The following NBPF15 variants were observed in gnomAD, a reference collection of about 807,000 sequenced individuals.
The protein encoded by NBPF15 is NBPF family member NBPF15.
NBPF15 carries 74 observed loss-of-function variants against 62.2 expected under a neutral mutation model. The observed-to-expected ratio is 1.19, with a 90% confidence interval of 0.99 to 1.44. The LOEUF (loss-of-function observed/expected upper bound fraction) is 1.44. Among genes scored for constraint, NBPF15 ranks in the 40% most tolerant of loss-of-function variants. The pLI is 0.00. For synonymous variants in NBPF15, 244 were observed against 209.7 expected (o/e 1.16, Z -1.41); for missense variants, 790 against 550.0 (o/e 1.44, Z -4.36).
chr1:144,443,355 G>A (rs1282415950), intron 6 of NBPF15, among the ~76,000 whole-genome samples: 2 of 151,802 alleles, frequency 1.3e-5, no homozygotes, highest in East Asian at 1.9e-4. Flanking sequence ...TAAAATTACT[G>A]TAGCTTTAAA....
intron 8 of NBPF15, among the ~76,000 whole-genome samples, chr1:144,438,617 A>T (rs1369058479): frequency 4.6e-5 from 7 of 152,188 alleles, no homozygotes; most frequent in African/African-American, 1.7e-4. Flanking sequence ...AAATGCTAAT[A>T]AAGTTTGTGT....
At chr1:144,427,231 C>T in intron 16 of NBPF15, 133 bp from the exon 17 acceptor site, 3 of 684,750 alleles carry the variant, frequency 4.4e-6, no homozygotes, top group South Asian at 3.3e-5. Flanking sequence ...AGATATTCTT[C>T]AAGAGGCCTG....
chr1:144,429,029 A>G (rs1226635455), intron 14 of NBPF15, among the ~76,000 whole-genome samples: 12 of 152,014 alleles, frequency 7.9e-5, no homozygotes, highest in Non-Finnish European at 1.0e-4. Flanking sequence ...ATAGTTTATG[A>G]GATTGTGGAC....
rs1453181221 is a variant in NBPF15 at position 144,443,407 on chromosome 1, GCTT to G, written c.-190-3115_-190-3113del. Among the ~76,000 whole-genome samples the G allele has an allele frequency of 5.0e-4, 76 of 151,686 alleles. 1 individual carries two copies. The highest frequency in any genetic ancestry group is 2.6e-4 in the Admixed American group (4 of 15,222). On this transcript the variant is annotated intron_variant, in intron 6 of 21. Coordinates refer to ENST00000581897, the MANE Select transcript of NBPF15 (RefSeq NM_001385408.1). ...AGCAGAGTAAGTCCTCCAACTTATTGCTTCTTCAAGACCGACTTGCTTATTCTA... is the reference window on the plus strand; with the variant it reads ...AGCAGAGTAAGTCCTCCAACTTATTGCTTCAAGACCGACTTGCTTATTCTA...
chr1:144,426,179 T>A, intron 18 of NBPF15, 99 bp downstream of exon 18: 3 of 647,632 alleles, frequency 4.6e-6, no homozygotes, highest in South Asian at 3.3e-5. Context: ...CCTGCGGCAA[T>A]GACATCTCTC....
At chr1:144,460,074 A>T (rs1217334702) in intron 2 of NBPF15, among the ~76,000 whole-genome samples, 8 of 75,544 alleles carry the variant, frequency 1.1e-4, no homozygotes, top group African/African-American at 4.9e-4. Flanking sequence ...ACAGGGTCTC[A>T]CTCTGCCACC....
chr1:144,426,612 C>A (rs1438915244), intron 17 of NBPF15, among the ~76,000 whole-genome samples, 162 bp from the exon 18 acceptor site: 5 of 149,944 alleles, frequency 3.3e-5, no homozygotes, highest in South Asian at 2.1e-4. Flanking sequence ...TAGACCAGGG[C>A]CAGGTAGAAA....
At chr1:144,456,354 C>T (rs1362433322) in intron 4 of NBPF15, among the ~76,000 whole-genome samples, 183 bp downstream of exon 4, 7 of 151,996 alleles carry the variant, frequency 4.6e-5, no homozygotes, top group Admixed American at 6.6e-5. Context: ...CACTGCAGGT[C>T]GAGGGTGGCA....
In NBPF15 at chr1:144,423,312, C is replaced by G. The variant is rs1468924763; in HGVS notation, c.1770-56G>C. 2.3e-5 allele frequency: 37 copies of G among 1,611,052 alleles called. 2 individuals carry two copies. Among genetic ancestry groups the G allele is most frequent in the Non-Finnish European group, 8.5e-7 (1 of 1,179,530 alleles). ...CCAGGGAAAATCAGACACCACAGAG[C>G]CCCACTAGATTTCAGAAGTAATATA... On this transcript the variant is annotated intron_variant, in intron 21 of 21. Coordinates refer to ENST00000581897, the MANE Select transcript of NBPF15 (RefSeq NM_001385408.1).
chr1:144,422,794 T>G lies in NBPF15; in HGVS notation c.*219A>C, dbSNP rs5013546. On this transcript the variant is annotated 3_prime_UTR_variant, in exon 22 of 22. Coordinates refer to ENST00000581897, the MANE Select transcript of NBPF15 (RefSeq NM_001385408.1). ...GTCTGACTGATCACTCCCGGCATGT[T>G]CTGCACAGTTATGTGAACGTGTCAC... 46,227 of 1,165,374 alleles carry G rather than the reference T, an allele frequency of 0.04. 3,331 individuals are homozygous for G. The highest frequency in any genetic ancestry group is 0.28 in the African/African-American group (17,219 of 61,986). 72.2% of individuals were successfully genotyped at this position (1,165,374 alleles called of 1,614,324 possible).
At chr1:144,445,230 A>T (rs1404401168) in intron 6 of NBPF15, among the ~76,000 whole-genome samples, 1 of 144,098 alleles carries the variant, frequency 6.9e-6, no homozygotes, top group Non-Finnish European at 1.5e-5. Flanking sequence ...TCAGACTGCA[A>T]TATGTATGTG....
intron 9 of NBPF15, among the ~76,000 whole-genome samples, chr1:144,437,341 C>G (rs1322008520): frequency 1.3e-5 from 2 of 151,414 alleles, no homozygotes; most frequent in Non-Finnish European, 2.9e-5. Flanking sequence ...ATTCATCTTT[C>G]TCTTCTGTAA....
intron 1 of NBPF15, 131 bp from the exon 2 acceptor site, chr1:144,461,092 G>T (rs587774119): frequency 6.6e-6 from 1 of 151,190 alleles, no homozygotes; most frequent in African/African-American, 2.4e-5. Context: ...GTGGGGTGCG[G>T]GGTCAGGGTC....
In NBPF15 at chr1:144,440,267, A is replaced by G; in HGVS notation, c.-162T>C. ...GCGCAGACTCTGATAAGAGTGAGGTAGATTGTGGCCAGCGTGCCAGGTAAC... is the reference window on the plus strand; with the variant it reads ...GCGCAGACTCTGATAAGAGTGAGGTGGATTGTGGCCAGCGTGCCAGGTAAC... On this transcript the variant is annotated 5_prime_UTR_variant, in exon 7 of 22. Coordinates refer to ENST00000581897, the MANE Select transcript of NBPF15 (RefSeq NM_001385408.1). 1 of 1,502,976 alleles carries G rather than the reference A, an allele frequency of 6.7e-7. No individual in the cohort carries two copies. The allele number at this position is 1,502,976 out of a possible 1,614,324, so 93.1% of individuals were successfully genotyped here. A position where few individuals can be genotyped will look rare whatever the true frequency, so the allele number is the denominator to read the frequency against.
In NBPF15 at chr1:144,438,994, T is replaced by TTAC. The variant is rs201026598; in HGVS notation, c.175+834_175+835insGTA. On this transcript the variant is annotated intron_variant, in intron 8 of 21. Transcript: ENST00000581897. ...TTATTTTTATTTATCATTATTATTA[T>TTAC]TATTTTTTTTTAACAGTCTTGCCCT... 3.2e-3 allele frequency among the ~76,000 whole-genome samples: 484 copies of TTAC among 151,328 alleles called. 7 individuals carry two copies. Among genetic ancestry groups the TTAC allele is most frequent in the African/African-American group, 0.011 (467 of 40,978 alleles).
intron 13 of NBPF15, 82 bp from the exon 14 acceptor site, chr1:144,429,945 GGAGACAGAATGGAGT>G: frequency 1.8e-6 from 1 of 553,230 alleles, no homozygotes; most frequent in East Asian, 3.0e-5. Context: ...TGATCTGATG[GGAGACAGAATGGAGT>G]GGTCACAGAA....
At chr1:144,424,604 C>T (rs1571104462) in intron 20 of NBPF15, 86 bp downstream of exon 20, 1 of 658,428 alleles carries the variant, frequency 1.5e-6, no homozygotes, top group Non-Finnish European at 2.7e-6. Context: ...CATCTCTCAG[C>T]TCAGTAATGG....
At chr1:144,425,422 A>C in intron 19 of NBPF15, 95 bp downstream of exon 19, 1 of 287,288 alleles carries the variant, frequency 3.5e-6, no homozygotes, top group Non-Finnish European at 6.3e-6. Context: ...TTGCTGGAAA[A>C]GATGTAATCG....
chr1:144,442,168 A>ATATATATAATATATATACACGTG lies in NBPF15; in HGVS notation c.-190-1874_-190-1873insCACGTGTATATATATTATATATA, dbSNP rs1683624920. Among the ~76,000 whole-genome samples the ATATATATAATATATATACACGTG allele has an allele frequency of 5.9e-4, 63 of 106,886 alleles. 8 individuals are homozygous for ATATATATAATATATATACACGTG. The highest frequency in any genetic ancestry group is 3.0e-3 in the African/African-American group (61 of 20,494). The allele number at this position is 106,886 out of a possible 152,430, so 70.1% of individuals were successfully genotyped here. On this transcript the variant is annotated intron_variant, in intron 6 of 21. Coordinates refer to ENST00000581897, the MANE Select transcript of NBPF15 (RefSeq NM_001385408.1). ...ATATAATATATATACACGTGTATAT[A>ATATATATAATATATATACACGTG]TATATATATATAATATATATACACG...
Sources: allele counts gnomAD v4.1 joint callset (sites outside exome capture counted in the v4.1 genomes callset), GRCh38; gene constraint gnomAD v4.1.1; transcripts MANE v1.5; gene names NCBI Gene and HGNC (gene_info 2026-07-23, HGNC 2026-07-21).